UBE3D: variants seen among roughly 807,000 people sequenced by gnomAD.
UBE3D encodes E3 ubiquitin-protein ligase E3D.
A neutral mutation model predicts 49.6 loss-of-function variants in UBE3D; 48 were observed. That is an observed-to-expected ratio of 0.97 (90% CI 0.77 to 1.23). The LOEUF is 1.23. Ranked by LOEUF, UBE3D falls within the 50% of genes most tolerant of loss-of-function variation. UBE3D has a pLI of 0.00. For missense variants in UBE3D, 452 were observed against 468.4 expected, an observed-to-expected ratio of 0.96 and a Z score of 0.32; for synonymous variants, 189 against 174.2, an observed-to-expected ratio of 1.08 and a Z score of -0.67.
At position 82,896,211 on chromosome 6, in the gene UBE3D, CCTAA is replaced by C. The variant is rs201715825; in HGVS notation, c.1150-3173_1150-3170del. ...ATCCATGACAAGAAAAATTACTTCCCCTAACTGCCATTTATTTTAAGAGAGGATA... is the reference window on the plus strand; with the variant it reads ...ATCCATGACAAGAAAAATTACTTCCCCTGCCATTTATTTTAAGAGAGGATA... On this transcript the variant is annotated intron_variant, in intron 9 of 9. Transcript: ENST00000369747. Among the ~76,000 whole-genome samples, 608 of 152,210 alleles carry C rather than the reference CCTAA, an allele frequency of 4.0e-3. 3 individuals carry two copies. The highest frequency in any genetic ancestry group is 0.013 in the African/African-American group (539 of 41,538).
the UBE3D span, among the ~76,000 whole-genome samples, chr6:82,881,070 A>G: frequency 3.3e-5 from 5 of 152,300 alleles, no homozygotes; most frequent in East Asian, 9.7e-4. Context: ...TTGAGGGTTC[A>G]GATTTCAATA....
chr6:82,934,246 A>C (rs1562097575), intron 9 of UBE3D, among the ~76,000 whole-genome samples: 1 of 152,190 alleles, frequency 6.6e-6, no homozygotes, highest in East Asian at 1.9e-4. Context: ...CTCCCCAGCC[A>C]CGTGGAACTG....
chr6:82,923,862 T>C (rs1198892858), intron 9 of UBE3D, among the ~76,000 whole-genome samples: 1 of 152,170 alleles, frequency 6.6e-6, no homozygotes, highest in Non-Finnish European at 1.5e-5. Flanking sequence ...ATTTAACATT[T>C]GAAAATTATT....
chr6:82,958,045 T>C (rs1776291782), intron 8 of UBE3D, among the ~76,000 whole-genome samples: 2 of 152,202 alleles, frequency 1.3e-5, no homozygotes, highest in South Asian at 4.1e-4. Flanking sequence ...TCCCTTCATC[T>C]TCCAGAGTGG....
At chr6:82,993,269 T>C (rs1481550699) in intron 8 of UBE3D, among the ~76,000 whole-genome samples, 2 of 152,140 alleles carry the variant, frequency 1.3e-5, no homozygotes, top group African/African-American at 2.4e-5. Context: ...ATTACCAACG[T>C]ATGACTGTCC....
chr6:83,007,150 G>A lies in UBE3D; in HGVS notation c.1010+11823C>T, dbSNP rs114858910. On this transcript the variant is annotated intron_variant, in intron 8 of 9. Coordinates refer to ENST00000369747, the MANE Select transcript of UBE3D (RefSeq NM_198920.3). ...TTTTAGAGGCAATATTTAGCAATATGTAGCAAAATAAAGAAACCAAATTAG... is the reference window on the plus strand; with the variant it reads ...TTTTAGAGGCAATATTTAGCAATATATAGCAAAATAAAGAAACCAAATTAG... Among the ~76,000 whole-genome samples the A allele has an allele frequency of 8.4e-3, 1,282 of 152,198 alleles. 19 individuals carry two copies. Among genetic ancestry groups the A allele is most frequent in the African/African-American group, 0.028 (1,173 of 41,538 alleles).
intron 8 of UBE3D, among the ~76,000 whole-genome samples, chr6:83,005,512 G>A (rs1779913778): frequency 6.6e-6 from 1 of 151,958 alleles, no homozygotes; most frequent in African/African-American, 2.4e-5. Flanking sequence ...ACTGAGCATG[G>A]TGGCTCAGGC....
intron 9 of UBE3D, among the ~76,000 whole-genome samples, chr6:82,925,448 A>G (rs1284178487): frequency 6.6e-6 from 1 of 152,150 alleles, no homozygotes; most frequent in Non-Finnish European, 1.5e-5. Context: ...GGACAGCAGC[A>G]CGTGATGAGA....
chr6:83,053,504 C>G (rs896079376), intron 3 of UBE3D, among the ~76,000 whole-genome samples: 5 of 152,004 alleles, frequency 3.3e-5, no homozygotes, highest in Non-Finnish European at 7.4e-5. Flanking sequence ...AACAAGAAGG[C>G]TGACATGAGG....
intron 9 of UBE3D, among the ~76,000 whole-genome samples, chr6:82,933,352 C>T (rs293508): frequency 0.67 from 102,320 of 152,062 alleles, 34,920 homozygotes; most frequent in East Asian, 0.79. Context: ...AGTGAGCCAG[C>T]TTTACTGTCA....
chr6:83,029,305 T>G (rs1172483100), intron 5 of UBE3D, among the ~76,000 whole-genome samples: 1 of 152,162 alleles, frequency 6.6e-6, no homozygotes, highest in East Asian at 1.9e-4. Context: ...TGTTTTAGAC[T>G]TTTTTTGTTT....
intron 8 of UBE3D, among the ~76,000 whole-genome samples, chr6:82,992,155 A>T (rs1422787238): frequency 6.6e-6 from 1 of 151,894 alleles, no homozygotes; most frequent in East Asian, 1.9e-4. Context: ...CATGTCTCTA[A>T]GGTAAAGAAG....
At position 82,977,585 on chromosome 6, in the gene UBE3D, C is replaced by T. The variant is rs527806179; in HGVS notation, c.1011-20135G>A. On this transcript the variant is annotated intron_variant, in intron 8 of 9. Coordinates refer to ENST00000369747, the MANE Select transcript of UBE3D (RefSeq NM_198920.3). ...CACAAATGTACTGCATTACAAATCTCCCAGCACTTTGGGAGGCCGAGGCAG... is the reference window on the plus strand; with the variant it reads ...CACAAATGTACTGCATTACAAATCTTCCAGCACTTTGGGAGGCCGAGGCAG... Among the ~76,000 whole-genome samples the T allele has an allele frequency of 3.3e-5, 5 of 152,272 alleles. No individual in the cohort carries two copies. The East Asian group carries it at 7.7e-4, about 24-fold the overall frequency.
intron 3 of UBE3D, among the ~76,000 whole-genome samples, chr6:83,051,077 A>G (rs1393698127): frequency 6.6e-6 from 1 of 152,244 alleles, no homozygotes; most frequent in African/African-American, 2.4e-5. Flanking sequence ...AATCTGGAAA[A>G]GGGGGTAGAA....
At chr6:82,992,285 C>T (rs904508793) in intron 8 of UBE3D, among the ~76,000 whole-genome samples, 2 of 143,752 alleles carry the variant, frequency 1.4e-5, no homozygotes, top group African/African-American at 2.6e-5. Context: ...TGGAATGGCA[C>T]GATCTCAGCT....
chr6:82,983,041 A>G (rs112222630), intron 8 of UBE3D, among the ~76,000 whole-genome samples: 1,521 of 152,060 alleles, frequency 0.01, 25 homozygotes, highest in African/African-American at 0.035. Context: ...AGGATCATGC[A>G]GTGGCATGAT....
At chr6:83,012,797 T>G (rs1467881514) in intron 8 of UBE3D, among the ~76,000 whole-genome samples, 1 of 152,164 alleles carries the variant, frequency 6.6e-6, no homozygotes, top group African/African-American at 2.4e-5. Flanking sequence ...TCTCCTTCCA[T>G]CCAAGGTGTA....
chr6:82,942,615 T>A (rs1366956814), intron 9 of UBE3D, among the ~76,000 whole-genome samples: 1 of 152,230 alleles, frequency 6.6e-6, no homozygotes, highest in Non-Finnish European at 1.5e-5. Flanking sequence ...GGGGCCAACG[T>A]ACAGCTCAGG....
chr6:82,970,564 G>A (rs1777274494), intron 8 of UBE3D, among the ~76,000 whole-genome samples: 1 of 152,190 alleles, frequency 6.6e-6, no homozygotes, highest in African/African-American at 2.4e-5. Flanking sequence ...TCTGGGCCGG[G>A]CGCTGTGGCT....
Sources: gnomAD v4.1 joint callset for allele counts (sites outside exome capture counted in the v4.1 genomes callset) on GRCh38, gnomAD v4.1.1 for gene constraint, MANE v1.5 for transcripts, NCBI Gene and HGNC (gene_info 2026-07-23, HGNC 2026-07-21) for gene names.